MRPS6: variants seen among roughly 807,000 people sequenced by gnomAD.
MRPS6 encodes mitochondrial ribosomal protein S6, also known as small ribosomal subunit protein bS6m.
Under a neutral mutation model 13.1 loss-of-function variants are expected in MRPS6, and 6 were observed. The observed-to-expected ratio is 0.46, with a 90% CI of 0.25 to 0.91. The LOEUF is 0.91. MRPS6 is among the 40% of genes least tolerant of loss of function. The pLI, the probability that MRPS6 is intolerant of heterozygous loss-of-function variation, is 0.18. For missense variants in MRPS6, 164 were observed against 155.6 expected, an observed-to-expected ratio of 1.05 and a Z score of -0.29; for synonymous variants, 61 against 56.5, an observed-to-expected ratio of 1.08 and a Z score of -0.36.
chr21:34,133,892 G>A (rs753465252), intron 2 of MRPS6, among the ~76,000 whole-genome samples: 2 of 152,192 alleles, frequency 1.3e-5, no homozygotes, highest in Admixed American at 6.5e-5. Context: ...TAACTTGTCC[G>A]TGGTAGATTG....
intron 2 of MRPS6, among the ~76,000 whole-genome samples, chr21:34,134,194 A>G (rs944091630): frequency 5.9e-5 from 9 of 152,372 alleles, no homozygotes; most frequent in African/African-American, 2.2e-4. Flanking sequence ...TTGCAACCCT[A>G]TTACCTGCTA....
At chr21:34,098,101 G>A in intron 1 of MRPS6, 3 of 999,192 alleles carry the variant, frequency 3.0e-6, no homozygotes, top group Non-Finnish European at 3.6e-6. Context: ...GATTATGGGG[G>A]AGAAAATGAA....
Position 34,075,230 on chromosome 21 carries a change from G to T in MRPS6, c.45+1485G>T, listed in dbSNP as rs1043931785. On this transcript the variant is annotated intron_variant, in intron 1 of 2. Coordinates refer to ENST00000399312, the MANE Select transcript of MRPS6 (RefSeq NM_032476.4). Reference sequence around the variant, plus strand: ...GAAATTCCTTTTGTTTACTTTCCTTGTCTTGGGGAGGTAGCAGGTGACACT... The same window carrying T: ...GAAATTCCTTTTGTTTACTTTCCTTTTCTTGGGGAGGTAGCAGGTGACACT... Among the ~76,000 whole-genome samples the T allele has an allele frequency of 1.8e-4, 27 of 152,174 alleles. 1 individual carries two copies. The highest frequency in any genetic ancestry group is 1.6e-3 in the Admixed American group (24 of 15,274).
chr21:34,128,938 G>T (rs531098322), intron 2 of MRPS6, among the ~76,000 whole-genome samples: 271 of 152,258 alleles, frequency 1.8e-3, no homozygotes, highest in African/African-American at 6.0e-3. Flanking sequence ...GAGCTGGGTG[G>T]CTCAGAGGCC....
chr21:34,096,308 G>T lies in MRPS6; in HGVS notation c.45+22563G>T. ...GCCTTCGGGGTTTAATGATGGCAGT[G>T]ATGATTGCAGCTCTGATGAGTGACT... On this transcript the variant is annotated intron_variant, in intron 1 of 2. Transcript: ENST00000399312. The surrounding 1 kb of genome is among the most constrained non-coding windows in gnomAD (Gnocchi z 5.9). 1 of 1,614,090 alleles carries T rather than the reference G, an allele frequency of 6.2e-7. No homozygotes were observed. The highest frequency in any genetic ancestry group is 8.5e-7 in the Non-Finnish European group (1 of 1,179,994).
rs8126527 is a variant in MRPS6, at chr21:34,142,372, A to G, written c.186-36A>G. 4,996 of 1,539,432 alleles carry G rather than the reference A, an allele frequency of 3.2e-3. 142 individuals are homozygous for G. The African/African-American group carries it at 0.063, about 20-fold the overall frequency. On this transcript the variant is annotated intron_variant, in intron 2 of 2. Coordinates refer to ENST00000399312, the MANE Select transcript of MRPS6 (RefSeq NM_032476.4). ...CAAAATAGTAGAATTATTACAATTC[A>G]AATGCAGACACTCACAAGTTTTTAT...
chr21:34,103,812 A>G, intron 1 of MRPS6: 1 of 1,000,142 alleles, frequency 1.0e-6, no homozygotes, highest in Non-Finnish European at 1.2e-6. Flanking sequence ...AGAGAATATA[A>G]ATGTCAAGAA....
rs570404788 is a variant in MRPS6, at chr21:34,128,155, C to T, written c.185+2675C>T. On this transcript the variant is annotated intron_variant, in intron 2 of 2. Coordinates refer to ENST00000399312, the MANE Select transcript of MRPS6 (RefSeq NM_032476.4). The stretch of plus-strand genomic sequence containing the variant: ...GTCTCAGGTTGATTCTCACAATTGT[C>T]GTGGTTCCTGGTCTCAAGGAGTTTT... 6.6e-5 allele frequency among the ~76,000 whole-genome samples: 10 copies of T among 152,238 alleles called. No individual in the cohort carries two copies. In the South Asian group the frequency reaches 1.0e-3, roughly 16 times the overall value.
intron 1 of MRPS6, among the ~76,000 whole-genome samples, chr21:34,093,578 T>C (rs1978817773): frequency 6.6e-6 from 1 of 151,670 alleles, no homozygotes; most frequent in African/African-American, 2.4e-5. Context: ...GGAAAATGCC[T>C]AGAATCATCA....
At position 34,142,797 on chromosome 21, in the gene MRPS6, A is replaced by G; in HGVS notation, c.*197A>G. On this transcript the variant is annotated 3_prime_UTR_variant, in exon 3 of 3. Coordinates refer to ENST00000399312, the MANE Select transcript of MRPS6 (RefSeq NM_032476.4). Reference sequence around the variant, plus strand: ...ACTGCTCACTGACAGCTTCTCTGTAACCTGCAGTACCAGTGGATCGTTCTT... The same window carrying G: ...ACTGCTCACTGACAGCTTCTCTGTAGCCTGCAGTACCAGTGGATCGTTCTT... 1 of 487,362 alleles carries G rather than the reference A, an allele frequency of 2.1e-6. No individual in the cohort carries two copies. Among genetic ancestry groups the G allele is most frequent in the Non-Finnish European group, 3.4e-6 (1 of 291,126 alleles). The allele number at this position is 487,362 out of a possible 1,614,324, so 30.2% of individuals were successfully genotyped here. A position where few individuals can be genotyped will look rare whatever the true frequency, so the allele number is the denominator to read the frequency against.
At position 34,142,956 on chromosome 21, in the gene MRPS6, TG is replaced by T. The variant is rs1286783709; in HGVS notation, c.*357del. ...GCTAGTCATTCAGCCTGTGTAACCA[TG>T]TGGAAATAAAAATTGACGACCAATG... is the stretch of plus-strand genomic sequence containing the variant. On this transcript the variant is annotated 3_prime_UTR_variant, in exon 3 of 3. Transcript: ENST00000399312. 1 of 170,878 alleles carries T rather than the reference TG, an allele frequency of 5.9e-6. No individual in the cohort carries two copies. The highest frequency in any genetic ancestry group is 1.6e-4 in the East Asian group (1 of 6,164). The allele number at this position is 170,878 out of a possible 1,614,324, so 10.6% of individuals were successfully genotyped here.
intron 1 of MRPS6, chr21:34,104,702 G>T: frequency 1.0e-6 from 1 of 1,000,296 alleles, no homozygotes; most frequent in Non-Finnish European, 1.2e-6. Flanking sequence ...CTGGGGGGAT[G>T]AGGGGAAGAA....
At position 34,142,528 on chromosome 21, in the gene MRPS6, A is replaced by T; in HGVS notation, c.306A>T (p.Leu102=). 1 of 1,613,702 alleles carries T rather than the reference A, an allele frequency of 6.2e-7. No individual in the cohort carries two copies. The highest frequency in any genetic ancestry group is 8.5e-7 in the Non-Finnish European group (1 of 1,179,874). The change falls in exon 3 of 3, where the codon CTA becomes CTT. Residue 102 remains leucine (L), a synonymous_variant. Coordinates refer to ENST00000399312, the MANE Select transcript of MRPS6 (RefSeq NM_032476.4). ...TCAAACACCCTCTGACCCAGGAACT[A>T]AAAGAATGTGAAGGGATTGTCCCAG... is the stretch of plus-strand genomic sequence containing the variant. The part of the protein sequence containing the change: ...NIVKHPLTQE[L]KECEGIVPVP...
chr21:34,110,762 C>T (rs111298189), intron 1 of MRPS6, among the ~76,000 whole-genome samples: 1,751 of 152,232 alleles, frequency 0.012, 38 homozygotes, highest in South Asian at 0.081. Context: ...ATGACCTTGC[C>T]TCATGTGTGT....
intron 1 of MRPS6, among the ~76,000 whole-genome samples, chr21:34,074,204 T>TGCCGCCG (rs1989265021): frequency 6.7e-6 from 1 of 150,366 alleles, no homozygotes; most frequent in Non-Finnish European, 1.5e-5. Flanking sequence ...GCCCGCCGGC[T>TGCCGCCG]GCCGCCGACC....
At chr21:34,087,988 C>T (rs1421143299) in intron 1 of MRPS6, among the ~76,000 whole-genome samples, 1 of 152,140 alleles carries the variant, frequency 6.6e-6, no homozygotes, top group Non-Finnish European at 1.5e-5. Flanking sequence ...AGTTGCTGTT[C>T]TGAGATGGGG....
chr21:34,097,758 CTG>C, intron 1 of MRPS6: 3 of 1,004,082 alleles, frequency 3.0e-6, no homozygotes, highest in Non-Finnish European at 3.6e-6. Flanking sequence ...TTTTCTGTCT[CTG>C]TAATCCCTCC....
intron 2 of MRPS6, among the ~76,000 whole-genome samples, chr21:34,126,648 G>A (rs778932741): frequency 5.9e-5 from 9 of 152,174 alleles, no homozygotes; most frequent in Non-Finnish European, 5.9e-5. Flanking sequence ...TTTTAACAGC[G>A]CAGTTATGGA....
intron 2 of MRPS6, among the ~76,000 whole-genome samples, chr21:34,133,123 C>T (rs1801082523): frequency 1.3e-5 from 2 of 152,324 alleles, no homozygotes; most frequent in South Asian, 4.1e-4. Flanking sequence ...CTCTTTCATC[C>T]TCTTCCTCAA....
Sources: gnomAD v4.1 joint callset for allele counts (sites outside exome capture counted in the v4.1 genomes callset) on GRCh38, gnomAD v4.1.1 for gene constraint, Gnocchi (gnomAD v3.1) non-coding constraint, MANE v1.5 for transcripts, NCBI Gene and HGNC (gene_info 2026-07-23, HGNC 2026-07-21) for gene names.